Variants in NKAIN2 observed in about 807,000 individuals in gnomAD.
The protein encoded by NKAIN2 is sodium/potassium-transporting ATPase subunit beta-1-interacting protein 2.
NKAIN2 carries 14 observed loss-of-function variants against 32.6 expected under a neutral mutation model. The ratio of observed to expected loss-of-function variants is 0.43; its 90% CI spans 0.28 to 0.67. The LOEUF is 0.67. NKAIN2 is among the 30% of genes least tolerant of loss of function. NKAIN2 has a pLI of 0.17. For synonymous variants in NKAIN2, 80 were observed against 87.2 expected (o/e 0.92, Z 0.46); for missense variants, 198 against 258.3 (o/e 0.77, Z 1.60).
intron 1 of NKAIN2, among the ~76,000 whole-genome samples, chr6:124,017,554 G>A (rs1031463127): frequency 1.3e-5 from 2 of 152,174 alleles, no homozygotes; most frequent in Admixed American, 6.5e-5. Flanking sequence ...TACAATGGGG[G>A]TATAGGCATT....
chr6:124,112,241 G>C (rs1785419083), intron 1 of NKAIN2, among the ~76,000 whole-genome samples: 1 of 152,232 alleles, frequency 6.6e-6, no homozygotes, highest in South Asian at 2.1e-4. Context: ...TTGTAAGGCA[G>C]GTCCGGTGTT....
At chr6:124,625,366 A>T (rs947203333) in intron 3 of NKAIN2, among the ~76,000 whole-genome samples, 4 of 152,090 alleles carry the variant, frequency 2.6e-5, no homozygotes, top group African/African-American at 9.7e-5. Flanking sequence ...ACAGCAGGGG[A>T]GCCAGGTACC....
chr6:124,144,374 G>A (rs1380284303), intron 1 of NKAIN2, among the ~76,000 whole-genome samples: 5 of 152,234 alleles, frequency 3.3e-5, no homozygotes, highest in South Asian at 2.1e-4. Context: ...GTGACATTGC[G>A]TTTCAGTGAG....
At chr6:124,758,570 G>A (rs1385002552) in intron 4 of NKAIN2, among the ~76,000 whole-genome samples, 1 of 152,100 alleles carries the variant, frequency 6.6e-6, no homozygotes, top group Admixed American at 6.5e-5. Flanking sequence ...CATCAACAAA[G>A]ACACTCCGGA....
intron 3 of NKAIN2, among the ~76,000 whole-genome samples, chr6:124,548,612 G>A (rs1052948444): frequency 6.6e-6 from 1 of 152,182 alleles, no homozygotes; most frequent in Non-Finnish European, 1.5e-5. Context: ...CACAGGTGAA[G>A]CTTGTGTACA....
chr6:123,972,079 G>A (rs1270628680), intron 1 of NKAIN2, among the ~76,000 whole-genome samples: 2 of 152,126 alleles, frequency 1.3e-5, no homozygotes, highest in Non-Finnish European at 2.9e-5. Flanking sequence ...TTAATGAATA[G>A]TAAATATATT....
chr6:124,278,861 A>G (rs1239396379), intron 1 of NKAIN2, among the ~76,000 whole-genome samples: 1 of 151,636 alleles, frequency 6.6e-6, no homozygotes, highest in African/African-American at 2.4e-5. Context: ...TAATGCACTT[A>G]TGGATGTTAT....
intron 3 of NKAIN2, among the ~76,000 whole-genome samples, chr6:124,466,430 ACCTGC>A (rs1395968245): frequency 6.6e-6 from 1 of 152,082 alleles, no homozygotes; most frequent in African/African-American, 2.4e-5. Flanking sequence ...TATAAAGGTC[ACCTGC>A]CCTTGGCCTC....
intron 2 of NKAIN2, among the ~76,000 whole-genome samples, chr6:124,322,818 T>C (rs1562489915): frequency 6.6e-6 from 1 of 152,190 alleles, no homozygotes; most frequent in African/African-American, 2.4e-5. Flanking sequence ...AGGCTTTTCT[T>C]TGAGTTGTGT....
At chr6:124,044,686 T>G (rs1465277517) in intron 1 of NKAIN2, among the ~76,000 whole-genome samples, 1 of 152,068 alleles carries the variant, frequency 6.6e-6, no homozygotes, top group Non-Finnish European at 1.5e-5. Flanking sequence ...AACAAGGCCA[T>G]TCGCCTAGAC....
chr6:124,273,954 A>G (rs907765149), intron 1 of NKAIN2, among the ~76,000 whole-genome samples: 1 of 152,244 alleles, frequency 6.6e-6, no homozygotes, highest in African/African-American at 2.4e-5. Flanking sequence ...CTGAGAAGTT[A>G]GATTTCCACT....
Position 124,037,416 on chromosome 6 carries a change from A to G in NKAIN2, c.54+233162A>G, listed in dbSNP as rs377003977. Reference sequence around the variant, plus strand: ...CTCTTCTTGAATGTCATAAATTAGCACCAGTGAAACTTATTTTCATATTTC... The same window carrying G: ...CTCTTCTTGAATGTCATAAATTAGCGCCAGTGAAACTTATTTTCATATTTC... On this transcript the variant is annotated intron_variant, in intron 1 of 6. Coordinates refer to ENST00000368417, the MANE Select transcript of NKAIN2 (RefSeq NM_001040214.3). Among the ~76,000 whole-genome samples, 14 of 152,244 alleles carry G rather than the reference A, an allele frequency of 9.2e-5. 1 individual carries two copies. The East Asian group carries it at 1.5e-3, about 17-fold the overall frequency.
chr6:123,881,317 C>T (rs560699708), intron 1 of NKAIN2, among the ~76,000 whole-genome samples: 13 of 152,156 alleles, frequency 8.5e-5, no homozygotes, highest in Admixed American at 1.3e-4. Flanking sequence ...TCACCATGCC[C>T]GGACACTAGG....
At chr6:124,099,277 A>G (rs1562357120) in intron 1 of NKAIN2, among the ~76,000 whole-genome samples, 1 of 152,202 alleles carries the variant, frequency 6.6e-6, no homozygotes, top group Non-Finnish European at 1.5e-5. Context: ...AAGAGATATT[A>G]TCTGCCTTTT....
chr6:124,126,423 C>T (rs147492736), intron 1 of NKAIN2, among the ~76,000 whole-genome samples: 32 of 152,302 alleles, frequency 2.1e-4, no homozygotes, highest in African/African-American at 7.5e-4. Context: ...GTTCTTGCCT[C>T]ACTGAGAAAA....
intron 1 of NKAIN2, among the ~76,000 whole-genome samples, chr6:124,273,191 G>T (rs1323269993): frequency 2.6e-5 from 4 of 152,264 alleles, no homozygotes; most frequent in Admixed American, 2.0e-4. Context: ...TTTTGGTTTT[G>T]TGTCCCCACC....
At chr6:124,122,963 A>G (rs1177296217) in intron 1 of NKAIN2, among the ~76,000 whole-genome samples, 2 of 152,200 alleles carry the variant, frequency 1.3e-5, no homozygotes, top group East Asian at 1.9e-4. Flanking sequence ...CAAAAGGCCA[A>G]TAAGTGATTA....
At chr6:123,869,938 C>T (rs1772778748) in intron 1 of NKAIN2, among the ~76,000 whole-genome samples, 1 of 152,162 alleles carries the variant, frequency 6.6e-6, no homozygotes, top group Non-Finnish European at 1.5e-5. Context: ...AGTCTTTCCT[C>T]CATGCTGTCT....
intron 1 of NKAIN2, among the ~76,000 whole-genome samples, chr6:124,020,885 T>G (rs1780831658): frequency 6.6e-6 from 1 of 152,150 alleles, no homozygotes; most frequent in Non-Finnish European, 1.5e-5. Context: ...TCAAGATATC[T>G]CAATTTGTTT....
Sources: gnomAD v4.1 joint callset for allele counts (sites outside exome capture counted in the v4.1 genomes callset) on GRCh38, gnomAD v4.1.1 for gene constraint, MANE v1.5 for transcripts, NCBI Gene and HGNC (gene_info 2026-07-23, HGNC 2026-07-21) for gene names.